The following KAZN variants were observed in gnomAD, a reference collection of about 807,000 sequenced individuals.
KAZN encodes kazrin, periplakin interacting protein.
In KAZN, 40 loss-of-function variants were observed where a neutral mutation model predicts 87.4. The observed-to-expected ratio is 0.46, with a 90% CI of 0.36 to 0.60. The LOEUF is 0.60. Among genes scored for constraint, KAZN ranks in the 20% least tolerant of loss-of-function variants. The probability of loss-of-function intolerance (pLI) is 0.00; values close to 1 mark genes in which losing one functional copy is unlikely to be tolerated. For missense variants in KAZN, 898 were observed against 1,073.9 expected (o/e 0.84, Z 2.29); for synonymous variants, 466 against 458.3 (o/e 1.02, Z -0.22).
chr1:14,970,523 ACC>A (rs751786000), intron 2 of KAZN, among the ~76,000 whole-genome samples: 1 of 152,122 alleles, frequency 6.6e-6, no homozygotes, highest in Non-Finnish European at 1.5e-5. Context: ...TTTTTTTTGC[ACC>A]CGAGGAACTG....
intron 1 of KAZN, among the ~76,000 whole-genome samples, chr1:14,892,220 C>T (rs1654793606): frequency 6.6e-6 from 1 of 152,108 alleles, no homozygotes; most frequent in African/African-American, 2.4e-5. Context: ...ACTAAATTCT[C>T]TCAGAACTCC....
intron 1 of KAZN, among the ~76,000 whole-genome samples, chr1:14,904,866 A>G (rs1044543537): frequency 1.3e-5 from 2 of 152,096 alleles, no homozygotes; most frequent in African/African-American, 4.8e-5. Flanking sequence ...GGTTCACACC[A>G]TTCTCCTGCC....
intron 2 of KAZN, among the ~76,000 whole-genome samples, chr1:14,495,688 G>A (rs1669902571): frequency 6.6e-6 from 1 of 152,162 alleles, no homozygotes; most frequent in African/African-American, 2.4e-5. Context: ...TTTATTAGAA[G>A]TAGCCTCGGG....
chr1:14,283,656 G>A (rs1271192865), intron 2 of KAZN, among the ~76,000 whole-genome samples: 2 of 152,090 alleles, frequency 1.3e-5, no homozygotes, highest in African/African-American at 2.4e-5. Context: ...AAAATGGTGC[G>A]ACCCCTTTGG....
chr1:14,667,896 CA>C (rs1159712712), intron 1 of KAZN, among the ~76,000 whole-genome samples: 1 of 152,066 alleles, frequency 6.6e-6, no homozygotes, highest in Non-Finnish European at 1.5e-5. Flanking sequence ...TCCTTGAAGC[CA>C]AACCGGAACA....
intron 2 of KAZN, among the ~76,000 whole-genome samples, chr1:14,303,765 T>C (rs886132222): frequency 6.6e-6 from 1 of 152,206 alleles, no homozygotes; most frequent in Non-Finnish European, 1.5e-5. Context: ...ATATAAGAAG[T>C]CTTTTTTAGG....
chr1:14,594,194 T>C (rs915224538), upstream of KAZN, among the ~76,000 whole-genome samples: 4 of 152,220 alleles, frequency 2.6e-5, no homozygotes, highest in African/African-American at 9.7e-5. Context: ...CGCCCTCTTT[T>C]GCTCTCAGCA....
chr1:14,127,002 A>G (rs1644886516), intron 1 of KAZN, among the ~76,000 whole-genome samples: 1 of 152,308 alleles, frequency 6.6e-6, no homozygotes, highest in African/African-American at 2.4e-5. Flanking sequence ...GCTACTCAGG[A>G]GGCTGAGGCA....
At chr1:14,809,512 A>G (rs921613930) in intron 1 of KAZN, among the ~76,000 whole-genome samples, 1 of 152,182 alleles carries the variant, frequency 6.6e-6, no homozygotes, top group Non-Finnish European at 1.5e-5. Flanking sequence ...AGAAACTTGC[A>G]AGGGTGCAGG....
At chr1:14,839,568 G>GA (rs149453190) in intron 1 of KAZN, among the ~76,000 whole-genome samples, 175 of 152,258 alleles carry the variant, frequency 1.1e-3, no homozygotes, top group African/African-American at 4.1e-3. Flanking sequence ...ATCCAACCAA[G>GA]ATATCCTTCC....
At chr1:14,017,768 G>A (rs80151337) in intron 1 of KAZN, among the ~76,000 whole-genome samples, 10 of 152,304 alleles carry the variant, frequency 6.6e-5, no homozygotes, top group African/African-American at 1.2e-4. Context: ...AAGACCGTGC[G>A]TTGGAATTCT....
chr1:14,639,462 G>A lies in KAZN; in HGVS notation c.226+40239G>A, dbSNP rs1680259278. Among the ~76,000 whole-genome samples the A allele has an allele frequency of 2.6e-5, 4 of 152,170 alleles. No individual in the cohort carries two copies. In the South Asian group the frequency reaches 8.3e-4, roughly 31 times the overall value. The stretch of plus-strand genomic sequence containing the variant: ...TGTCCCCTGTGGTGCTGAATGTCTG[G>A]AAATTGTCCCCATAGGGCACAGTGG... On this transcript the variant is annotated intron_variant, in intron 1 of 14. Coordinates refer to ENST00000376030, the MANE Select transcript of KAZN (RefSeq NM_201628.3).
chr1:14,274,052 C>A (rs1395495806), intron 2 of KAZN, among the ~76,000 whole-genome samples: 1 of 152,172 alleles, frequency 6.6e-6, no homozygotes, highest in Non-Finnish European at 1.5e-5. Flanking sequence ...TCCAGGGTAC[C>A]CGTGCTAGGA....
At chr1:13,997,347 A>G (rs1211695342) in intron 1 of KAZN, among the ~76,000 whole-genome samples, 1 of 152,142 alleles carries the variant, frequency 6.6e-6, no homozygotes, top group South Asian at 2.1e-4. Flanking sequence ...CTCTCCAGCA[A>G]GGGTGCAGAA....
intron 8 of KAZN, chr1:15,067,096 C>G: frequency 1.0e-6 from 1 of 985,774 alleles, no homozygotes; most frequent in South Asian, 4.7e-5. Flanking sequence ...AGCTTCTGTT[C>G]CTCCCTGCAG....
chr1:13,968,993 TG>T (rs1352073703), intron 1 of KAZN, among the ~76,000 whole-genome samples: 1 of 152,230 alleles, frequency 6.6e-6, no homozygotes, highest in Non-Finnish European at 1.5e-5. Context: ...AAGTCTAAAA[TG>T]AGACACTTTA....
intron 1 of KAZN, among the ~76,000 whole-genome samples, chr1:13,969,654 G>C (rs1642069439): frequency 6.6e-6 from 1 of 151,988 alleles, no homozygotes. Context: ...CTTCTGCTTG[G>C]AGTGCCCTTT....
At chr1:14,335,108 C>T (rs929379018) in intron 2 of KAZN, among the ~76,000 whole-genome samples, 1 of 140,188 alleles carries the variant, frequency 7.1e-6, no homozygotes, top group African/African-American at 3.1e-5. Flanking sequence ...GACTCGGTGC[C>T]CCCCCCCCAC....
At chr1:14,407,075 G>C (rs1309913099) in intron 2 of KAZN, among the ~76,000 whole-genome samples, 1 of 152,166 alleles carries the variant, frequency 6.6e-6, no homozygotes, top group African/African-American at 2.4e-5. Flanking sequence ...AAAAATGGTA[G>C]CTTCAGAGAC....
Sources: allele counts gnomAD v4.1 joint callset (sites outside exome capture counted in the v4.1 genomes callset), GRCh38; gene constraint gnomAD v4.1.1; transcripts MANE v1.5; gene names NCBI Gene and HGNC (gene_info 2026-07-23, HGNC 2026-07-21).